ALDH1A2: variants seen among roughly 807,000 people sequenced by gnomAD.
ALDH1A2 encodes retinal dehydrogenase 2.
A neutral mutation model predicts 60.3 loss-of-function variants in ALDH1A2; 27 were observed. The ratio of observed to expected loss-of-function variants is 0.45; its 90% CI spans 0.33 to 0.62. ALDH1A2 has a LOEUF of 0.62. Among genes scored for constraint, ALDH1A2 ranks in the 20% least tolerant of loss-of-function variants. The probability of loss-of-function intolerance (pLI) is 0.02; values close to 1 mark genes in which losing one functional copy is unlikely to be tolerated. For missense variants in ALDH1A2, 581 were observed against 643.8 expected (o/e 0.90, Z 1.06); for synonymous variants, 289 against 232.4 (o/e 1.24, Z -2.21).
intron 1 of ALDH1A2, 195 bp from the exon 2 acceptor site, chr15:58,014,476 C>A (rs543068307): frequency 1.6e-6 from 1 of 633,676 alleles, no homozygotes; most frequent in South Asian, 1.5e-5. Context: ...TTAACATCAT[C>A]CAAAGGCTAA....
At chr15:57,966,279 G>A (rs1490742449) in intron 7 of ALDH1A2, among the ~76,000 whole-genome samples, 1 of 152,156 alleles carries the variant, frequency 6.6e-6, no homozygotes, top group African/African-American at 2.4e-5. Context: ...TTTATTACAT[G>A]CTCCAAAGAG....
intron 4 of ALDH1A2, among the ~76,000 whole-genome samples, chr15:58,001,848 A>G (rs1895285152): frequency 6.6e-6 from 1 of 151,930 alleles, no homozygotes; most frequent in Non-Finnish European, 1.5e-5. Flanking sequence ...ATAAAAAAGG[A>G]CTGCATTTGA....
chr15:57,996,674 T>C (rs1895076306), intron 4 of ALDH1A2, among the ~76,000 whole-genome samples: 1 of 151,968 alleles, frequency 6.6e-6, no homozygotes, highest in South Asian at 2.1e-4. Context: ...TACAAACATA[T>C]CTTTTCATAT....
chr15:58,065,459 C>T, intron 1 of ALDH1A2, 75 bp downstream of exon 1: 1 of 1,303,224 alleles, frequency 7.7e-7, no homozygotes, highest in African/African-American at 1.4e-5. Context: ...AGCCCTCACC[C>T]GCTGAAGAGA....
At chr15:58,018,495 T>C (rs182046351) in intron 1 of ALDH1A2, among the ~76,000 whole-genome samples, 5 of 152,216 alleles carry the variant, frequency 3.3e-5, no homozygotes, top group Admixed American at 2.0e-4. Context: ...GATAGTAAAA[T>C]TGGTGGGCAA....
intron 3 of ALDH1A2, 45 bp from the exon 4 acceptor site, chr15:58,010,823 C>T: frequency 6.2e-7 from 1 of 1,608,122 alleles, no homozygotes; most frequent in Non-Finnish European, 8.5e-7. Flanking sequence ...CAGAACTTTC[C>T]AGCGATACAC....
intron 1 of ALDH1A2, among the ~76,000 whole-genome samples, chr15:58,034,695 G>T (rs1361061173): frequency 1.3e-5 from 2 of 151,590 alleles, no homozygotes; most frequent in Admixed American, 6.6e-5. Flanking sequence ...GCTGAATTTT[G>T]TCAAATACTC....
At chr15:57,986,618 A>T (rs915776091) in intron 7 of ALDH1A2, among the ~76,000 whole-genome samples, 1 of 149,166 alleles carries the variant, frequency 6.7e-6, no homozygotes, top group East Asian at 2.0e-4. Flanking sequence ...GAAAAACTCC[A>T]GTCAAATTCA....
chr15:57,963,890 G>A lies in ALDH1A2; in HGVS notation c.1081C>T (p.Pro361Ser), dbSNP rs773201837. 1 of 1,614,098 alleles carries A rather than the reference G, an allele frequency of 6.2e-7. No homozygotes were observed. The highest frequency in any genetic ancestry group is 8.5e-7 in the Non-Finnish European group (1 of 1,180,002). Reference protein sequence around the residue: ...SPFDPTTEQGPQIDKKQYNKI... With the variant: ...SPFDPTTEQGSQIDKKQYNKI... ...AATGGTTATGATTTTTCTACCTGGG[G>A]ACCCTGCTCAGTGGTGGGGTCAAAG... The change falls in exon 9 of 13, where the codon CCC (proline) becomes TCC (serine). Residue 361 changes from proline to serine, a missense_variant. Around this residue, in one of 2 missense-constraint regions of ALDH1A2, gnomAD observed 375 missense variants for 469.7 expected, o/e 0.80. Transcript: ENST00000249750.
At chr15:58,034,304 G>A (rs1034169418) in intron 1 of ALDH1A2, among the ~76,000 whole-genome samples, 15 of 151,550 alleles carry the variant, frequency 9.9e-5, no homozygotes, top group African/African-American at 3.6e-4. Context: ...AATGACTTTT[G>A]TAGATTAACA....
chr15:58,057,550 A>G (rs1345232275), intron 1 of ALDH1A2, among the ~76,000 whole-genome samples: 1 of 152,204 alleles, frequency 6.6e-6, no homozygotes, highest in African/African-American at 2.4e-5. Flanking sequence ...CACATTTGTT[A>G]TATTACTGCT....
At chr15:57,969,061 G>A (rs1170640447) in intron 7 of ALDH1A2, among the ~76,000 whole-genome samples, 2 of 152,162 alleles carry the variant, frequency 1.3e-5, no homozygotes, top group African/African-American at 2.4e-5. Context: ...GAAGAAAGTC[G>A]AGTTATAGTT....
Position 58,047,612 on chromosome 15 carries a change from A to G in ALDH1A2, c.117+17922T>C, listed in dbSNP as rs185461794. Among the ~76,000 whole-genome samples the G allele has an allele frequency of 3.2e-3, 493 of 152,126 alleles. 4 individuals carry two copies. The highest frequency in any genetic ancestry group is 0.011 in the African/African-American group (472 of 41,542). ...CCTTTAAACATTATAATCAAAGGTA[A>G]TATTTTTAACTTTGAAAAAAATTAG... On this transcript the variant is annotated intron_variant, in intron 1 of 12. Coordinates refer to ENST00000249750, the MANE Select transcript of ALDH1A2 (RefSeq NM_003888.4).
At chr15:58,038,373 G>A (rs1391779229) in intron 1 of ALDH1A2, 1 of 151,662 alleles carries the variant, frequency 6.6e-6, no homozygotes, top group Non-Finnish European at 1.5e-5. Context: ...AAGAGACAGA[G>A]GCCACTGCTT....
intron 5 of ALDH1A2, among the ~76,000 whole-genome samples, chr15:57,994,800 T>C (rs1894997917): frequency 6.6e-6 from 1 of 152,162 alleles, no homozygotes. Context: ...ATGGACATAA[T>C]AACCAAGGGC....
chr15:57,958,775 AG>A (rs1161006911), intron 12 of ALDH1A2, among the ~76,000 whole-genome samples: 2 of 152,202 alleles, frequency 1.3e-5, no homozygotes, highest in Non-Finnish European at 2.9e-5. Context: ...TCTGTCACTC[AG>A]GGTCATTTAA....
intron 1 of ALDH1A2, among the ~76,000 whole-genome samples, chr15:58,019,706 CATATT>C (rs1895872349): frequency 6.6e-6 from 1 of 152,098 alleles, no homozygotes; most frequent in African/African-American, 2.4e-5. Flanking sequence ...TGTCCACTGA[CATATT>C]ATAGGTTGTT....
At chr15:58,003,519 A>C (rs1460663170) in intron 4 of ALDH1A2, among the ~76,000 whole-genome samples, 2 of 151,940 alleles carry the variant, frequency 1.3e-5, no homozygotes, top group African/African-American at 4.8e-5. Flanking sequence ...CTATATGCTA[A>C]CATATCGTAA....
At chr15:57,960,646 G>A (rs1210122325) in intron 12 of ALDH1A2, 124 bp downstream of exon 12, 7 of 804,890 alleles carry the variant, frequency 8.7e-6, no homozygotes, top group East Asian at 8.1e-5. Flanking sequence ...AGTAGCATGT[G>A]CTCCACGAAA....
Sources: allele counts gnomAD v4.1 joint callset (sites outside exome capture counted in the v4.1 genomes callset), GRCh38; gene constraint gnomAD v4.1.1; regional missense constraint gnomAD v4.1.1; transcripts MANE v1.5; gene names NCBI Gene and HGNC (gene_info 2026-07-23, HGNC 2026-07-21).